Variants in RBM47 observed in about 807,000 individuals in gnomAD.
RBM47 encodes the protein RNA-binding protein 47.
A neutral mutation model predicts 47.1 loss-of-function variants in RBM47; 21 were observed. The observed-to-expected ratio is 0.45, with a 90% CI of 0.32 to 0.64. The LOEUF (loss-of-function observed/expected upper bound fraction) is 0.64. Among genes scored for constraint, RBM47 ranks in the 30% least tolerant of loss-of-function variants. RBM47 has a pLI of 0.05. For synonymous variants in RBM47, 375 were observed against 361.7 expected, an observed-to-expected ratio of 1.04 and a Z score of -0.42; for missense variants, 708 against 870.9, an observed-to-expected ratio of 0.81 and a Z score of 2.35.
intron 1 of RBM47, among the ~76,000 whole-genome samples, chr4:40,549,439 A>G (rs144292001): frequency 6.6e-6 from 1 of 152,052 alleles, no homozygotes; most frequent in African/African-American, 2.4e-5. Flanking sequence ...AGTAAGGATA[A>G]TAATAGCACT....
intron 1 of RBM47, among the ~76,000 whole-genome samples, chr4:40,563,616 A>C (rs888550893): frequency 6.6e-6 from 1 of 152,244 alleles, no homozygotes; most frequent in African/African-American, 2.4e-5. Context: ...TTCCCACTGC[A>C]CACATGGTTA....
intron 1 of RBM47, among the ~76,000 whole-genome samples, chr4:40,629,051 A>G (rs1370214103): frequency 2.0e-5 from 3 of 152,144 alleles, no homozygotes; most frequent in Admixed American, 2.0e-4. Flanking sequence ...TCACTGTAAT[A>G]ATCTGAGTCT....
rs969964632 is a variant in RBM47, at chr4:40,496,084, C to T, written c.-154-29385G>A. 2.6e-5 allele frequency among the ~76,000 whole-genome samples: 4 copies of T among 152,130 alleles called. No individual in the cohort carries two copies. In the East Asian group the frequency reaches 7.7e-4, roughly 29 times the overall value. On this transcript the variant is annotated intron_variant, in intron 2 of 6. Coordinates refer to ENST00000295971, the MANE Select transcript of RBM47 (RefSeq NM_001098634.2). ...TATTTCATCTGCCTTCTCCTGCTTT[C>T]CTCTGAGAAAAAAGGCAGAGAGAAG... is the stretch of plus-strand genomic sequence containing the variant.
chr4:40,445,061 T>G (rs1476221097), intron 3 of RBM47, among the ~76,000 whole-genome samples: 1 of 151,792 alleles, frequency 6.6e-6, no homozygotes, highest in Admixed American at 6.6e-5. Context: ...GATCACAAGG[T>G]CAGGAGATTG....
chr4:40,562,558 G>C (rs908610816), intron 1 of RBM47, among the ~76,000 whole-genome samples: 3 of 149,336 alleles, frequency 2.0e-5, no homozygotes, highest in African/African-American at 4.9e-5. Flanking sequence ...CTCTGCCTCC[G>C]GGGTTCAAGC....
intron 1 of RBM47, among the ~76,000 whole-genome samples, chr4:40,618,467 T>C (rs1259102165): frequency 1.3e-5 from 2 of 151,942 alleles, no homozygotes; most frequent in Non-Finnish European, 2.9e-5. Flanking sequence ...AAATGAATGC[T>C]AGGCACTAGA....
intron 6 of RBM47, among the ~76,000 whole-genome samples, chr4:40,430,756 C>T (rs374546214): frequency 3.9e-5 from 6 of 152,078 alleles, no homozygotes; most frequent in Non-Finnish European, 7.4e-5. Context: ...CCAGTTTGAC[C>T]GAATTGGAAT....
intron 1 of RBM47, among the ~76,000 whole-genome samples, chr4:40,587,121 A>G (rs1733668015): frequency 6.6e-6 from 1 of 152,106 alleles, no homozygotes; most frequent in Admixed American, 6.6e-5. Context: ...GGGTGCATGG[A>G]AAGGGCTTTG....
intron 5 of RBM47, among the ~76,000 whole-genome samples, chr4:40,435,699 C>T (rs755228984): frequency 6.6e-6 from 1 of 152,106 alleles, no homozygotes; most frequent in Non-Finnish European, 1.5e-5. Flanking sequence ...CTCTACCCTC[C>T]GACTTCAGAT....
intron 6 of RBM47, among the ~76,000 whole-genome samples, chr4:40,430,029 T>TA (rs1174274097): frequency 2.6e-5 from 4 of 151,562 alleles, no homozygotes; most frequent in Admixed American, 6.6e-5. Flanking sequence ...CCGTCTCCAC[T>TA]AAAAAAATAC....
intron 2 of RBM47, among the ~76,000 whole-genome samples, chr4:40,481,492 ATTT>A (rs1553887667): frequency 3.5e-5 from 4 of 113,590 alleles, no homozygotes; most frequent in African/African-American, 1.0e-4. Context: ...TATTATTTTT[ATTT>A]TTATTTTTGA....
chr4:40,610,016 G>A (rs1379986573), intron 1 of RBM47, among the ~76,000 whole-genome samples: 8 of 151,766 alleles, frequency 5.3e-5, no homozygotes, highest in African/African-American at 1.2e-4. Flanking sequence ...TGCTTGAACC[G>A]GGAGGCGGAG....
At chr4:40,493,771 CAAAAA>C (rs369288548) in intron 2 of RBM47, among the ~76,000 whole-genome samples, 1 of 118,082 alleles carries the variant, frequency 8.5e-6, no homozygotes, top group Admixed American at 9.0e-5. Context: ...GACCCTGTCT[CAAAAA>C]AAAAAAAAAA....
intron 1 of RBM47, among the ~76,000 whole-genome samples, chr4:40,615,208 C>T (rs1736613601): frequency 1.3e-5 from 2 of 152,050 alleles, no homozygotes; most frequent in African/African-American, 4.8e-5. Context: ...GCTGGGTGGG[C>T]GTGGTGGCTC....
At chr4:40,618,824 AAAAAAAAAAAG>A (rs1411035417) in intron 1 of RBM47, among the ~76,000 whole-genome samples, 2 of 150,738 alleles carry the variant, frequency 1.3e-5, no homozygotes, top group Admixed American at 6.6e-5. Context: ...AAAAAAAAAA[AAAAAAAAAAAG>A]GGAAACTTCC....
In RBM47 at chr4:40,436,640, G is replaced by A; in HGVS notation, c.1131C>T (p.Ser377=). The A allele has an allele frequency of 6.2e-7, 1 of 1,613,818 alleles. No homozygotes were observed. Among genetic ancestry groups the A allele is most frequent in the Non-Finnish European group, 8.5e-7 (1 of 1,179,918 alleles). ...PNRDYFVKAG[S]IRGRGRGAAG... ...CTGCACCTCGCCCTCGGCCTCTTAT[G>A]CTGCCTGCTTGTAATAACAACACAA... The change falls in exon 5 of 7, where the codon AGC becomes AGT. Residue 377 remains serine (S), a synonymous_variant. Transcript: ENST00000295971.
At chr4:40,606,356 C>T (rs1226964425) in intron 1 of RBM47, among the ~76,000 whole-genome samples, 1 of 150,826 alleles carries the variant, frequency 6.6e-6, no homozygotes, top group African/African-American at 2.4e-5. Context: ...AATGTGGTCT[C>T]GGTAAGAAAA....
At chr4:40,531,085 T>A (rs752828883) in intron 2 of RBM47, among the ~76,000 whole-genome samples, 1 of 151,920 alleles carries the variant, frequency 6.6e-6, no homozygotes, top group Non-Finnish European at 1.5e-5. Flanking sequence ...GGTGACAGAG[T>A]AAGACTCTGG....
intron 1 of RBM47, among the ~76,000 whole-genome samples, chr4:40,597,728 A>AT (rs1042712982): frequency 4.6e-5 from 7 of 152,206 alleles, no homozygotes; most frequent in Non-Finnish European, 8.8e-5. Context: ...GTTCATTACC[A>AT]TTTTTTTGCA....
Sources: gnomAD v4.1 joint callset for allele counts (sites outside exome capture counted in the v4.1 genomes callset) on GRCh38, gnomAD v4.1.1 for gene constraint, MANE v1.5 for transcripts, NCBI Gene and HGNC (gene_info 2026-07-23, HGNC 2026-07-21) for gene names.